CSF1R: variants seen among roughly 807,000 people sequenced by gnomAD.
CSF1R encodes the protein macrophage colony-stimulating factor 1 receptor.
In CSF1R, 40 loss-of-function variants were observed where a neutral mutation model predicts 110.0. The ratio of observed to expected loss-of-function variants is 0.36; its 90% CI spans 0.28 to 0.47. The LOEUF (loss-of-function observed/expected upper bound fraction) is 0.47. Among genes scored for constraint, CSF1R ranks in the 20% least tolerant of loss-of-function variants. The pLI, the probability that CSF1R is intolerant of heterozygous loss-of-function variation, is 0.99. For missense variants in CSF1R, 1,052 were observed against 1,253.0 expected (o/e 0.84, Z 2.42); for synonymous variants, 523 against 503.4 (o/e 1.04, Z -0.52).
chr5:150,095,871 G>A (rs977346880), intron 1 of CSF1R, among the ~76,000 whole-genome samples: 2 of 151,568 alleles, frequency 1.3e-5, no homozygotes, highest in Admixed American at 6.6e-5. Context: ...GGAATACTAT[G>A]AACTACTCTA....
chr5:150,081,074 C>T (rs1252778276), intron 1 of CSF1R, 50 bp from the exon 2 acceptor site: 5 of 1,598,948 alleles, frequency 3.1e-6, no homozygotes, highest in Non-Finnish European at 4.3e-6. Flanking sequence ...GGATGCGCCC[C>T]TTGGGCCGTC....
chr5:150,079,981 C>A, intron 3 of CSF1R, 71 bp downstream of exon 3: 3 of 1,554,400 alleles, frequency 1.9e-6, no homozygotes, highest in South Asian at 2.4e-5. Context: ...TCCCCAGTCA[C>A]CACCCATGTG....
chr5:150,055,233 T>G lies in CSF1R; in HGVS notation c.2654+4A>C. ...TTTTCCCTCCCTGGGATCCCTTCGCTTACATATTCTTTGGGGCAAATGCAG... is the reference window on the plus strand; with the variant it reads ...TTTTCCCTCCCTGGGATCCCTTCGCGTACATATTCTTTGGGGCAAATGCAG... On this transcript the variant is annotated splice_donor_region_variant and intron_variant, in intron 19 of 20. Coordinates refer to ENST00000675795, the MANE Select transcript of CSF1R (RefSeq NM_001288705.3). The G allele has an allele frequency of 6.2e-7, 1 of 1,613,610 alleles. No individual in the cohort carries two copies. The highest frequency in any genetic ancestry group is 8.5e-7 in the Non-Finnish European group (1 of 1,179,516).
At chr5:150,055,840 C>A (rs1003387451) in intron 18 of CSF1R, among the ~76,000 whole-genome samples, 186 bp downstream of exon 18, 3 of 152,238 alleles carry the variant, frequency 2.0e-5, no homozygotes, top group Non-Finnish European at 4.4e-5. Flanking sequence ...GAAAGGAGCG[C>A]CTGTCAGGGG....
Position 150,055,254 on chromosome 5 carries a change from T to C in CSF1R, c.2637A>G (p.Ala879=). 1 of 1,614,174 alleles carries C rather than the reference T, an allele frequency of 6.2e-7. No individual in the cohort carries two copies. Among genetic ancestry groups the C allele is most frequent in the South Asian group, 1.1e-5 (1 of 91,080 alleles). The change falls in exon 19 of 21, where the codon GCA becomes GCG. Residue 879 remains alanine, a synonymous_variant. Coordinates refer to ENST00000675795, the MANE Select transcript of CSF1R (RefSeq NM_001288705.3). ...VKDGYQMAQP[A]FAPKNIYSIM... ...TCGCTTACATATTCTTTGGGGCAAA[T>C]GCAGGCTGGGCCATTTGGTATCCAT...
intron 1 of CSF1R, among the ~76,000 whole-genome samples, chr5:150,095,466 A>G (rs1759193066): frequency 6.6e-6 from 1 of 152,176 alleles, no homozygotes; most frequent in Admixed American, 6.5e-5. Flanking sequence ...TTATTAACAA[A>G]AAGGTATCTG....
chr5:150,088,470 C>T (rs930029820), upstream of CSF1R, among the ~76,000 whole-genome samples: 1 of 151,912 alleles, frequency 6.6e-6, no homozygotes, highest in East Asian at 1.9e-4. Flanking sequence ...AATACAAATG[C>T]ATGAATATAG....
At chr5:150,110,319 T>A (rs574390234) in intron 1 of CSF1R, among the ~76,000 whole-genome samples, 1 of 152,348 alleles carries the variant, frequency 6.6e-6, no homozygotes, top group East Asian at 1.9e-4. Context: ...TCCCCTCCCC[T>A]GTCAAGGTGT....
rs1757054473 is a variant in CSF1R at position 150,054,015 on chromosome 5, T to C, written c.*54A>G. 1.9e-6 allele frequency: 3 copies of C among 1,561,794 alleles called. No homozygotes were observed. The highest frequency in any genetic ancestry group is 2.3e-5 in the East Asian group (1 of 43,862). On this transcript the variant is annotated 3_prime_UTR_variant, in exon 21 of 21. Transcript: ENST00000675795. Reference sequence around the variant, plus strand: ...TGTTCTCCCCGTGTCGCCCCATCCATGGAGGAGTTGAAGTTTGTGGGAGGG... The same window carrying C: ...TGTTCTCCCCGTGTCGCCCCATCCACGGAGGAGTTGAAGTTTGTGGGAGGG...
chr5:150,108,911 T>C (rs1433480972), intron 1 of CSF1R, among the ~76,000 whole-genome samples: 1 of 152,064 alleles, frequency 6.6e-6, no homozygotes, highest in Non-Finnish European at 1.5e-5. Context: ...AGGGAGACAG[T>C]TCGGCTTCTG....
intron 3 of CSF1R, among the ~76,000 whole-genome samples, chr5:150,079,243 C>G (rs1373038023): frequency 1.3e-5 from 2 of 152,234 alleles, no homozygotes; most frequent in Admixed American, 6.5e-5. Context: ...TCTGCCCACA[C>G]AGCTGGGGTC....
rs1460127750 is a variant in CSF1R, at chr5:150,065,460, G to A, written c.1626+2755C>T. On this transcript the variant is annotated intron_variant, in intron 10 of 20. Coordinates refer to ENST00000675795, the MANE Select transcript of CSF1R (RefSeq NM_001288705.3). ...TCTCTTCCCCCACGGCCCCCCTTGT[G>A]GTCACTCTGGGGGACAGAAAGGTGA... Among the ~76,000 whole-genome samples the A allele has an allele frequency of 2.0e-5, 3 of 152,304 alleles. No individual in the cohort carries two copies. In the East Asian group the frequency reaches 5.8e-4, roughly 29 times the overall value.
rs1417924912 is a variant in CSF1R, at chr5:150,053,441, G to A, written c.*628C>T. The A allele has an allele frequency of 2.1e-5, 5 of 234,414 alleles. No individual in the cohort carries two copies. Among genetic ancestry groups the A allele is most frequent in the African/African-American group, 4.4e-5 (2 of 45,310 alleles). 14.5% of individuals were successfully genotyped at this position (234,414 alleles called of 1,614,324 possible). ...CCCCTGCCTTCTAGCCCAGAATGACGGGACTGGGCAGAACACCCCCAACTT... is the reference window on the plus strand; with the variant it reads ...CCCCTGCCTTCTAGCCCAGAATGACAGGACTGGGCAGAACACCCCCAACTT... On this transcript the variant is annotated 3_prime_UTR_variant, in exon 21 of 21. Coordinates refer to ENST00000675795, the MANE Select transcript of CSF1R (RefSeq NM_001288705.3).
chr5:150,105,377 TATATA>T (rs1759521990), intron 1 of CSF1R, among the ~76,000 whole-genome samples: 1 of 89,592 alleles, frequency 1.1e-5, no homozygotes, highest in African/African-American at 4.8e-5. Flanking sequence ...TATATATATA[TATATA>T]TATTTTTTTT....
chr5:150,105,932 AC>A, intron 1 of CSF1R, among the ~76,000 whole-genome samples: 1 of 152,264 alleles, frequency 6.6e-6, no homozygotes, highest in Non-Finnish European at 1.5e-5. Flanking sequence ...TCTATTAATT[AC>A]GCCATTTTGC....
chr5:150,053,830 A>AG lies in CSF1R; in HGVS notation c.*238dup, dbSNP rs1491327925. 3.0e-5 allele frequency: 16 copies of AG among 528,876 alleles called. No individual in the cohort carries two copies. The African/African-American group carries it at 3.4e-4, about 11-fold the overall frequency. 32.8% of individuals were successfully genotyped at this position (528,876 alleles called of 1,614,324 possible). A position where few individuals can be genotyped will look rare whatever the true frequency, so the allele number is the denominator to read the frequency against. On this transcript the variant is annotated 3_prime_UTR_variant, in exon 21 of 21. Transcript: ENST00000675795. ...ACGAGGCCAACACCATGAGAACAGT[A>AG]GGGGAGGGGGGGGTGAGGGCTCAGC...
At chr5:150,077,465 C>T (rs1758319320) in intron 4 of CSF1R, 30 bp from the exon 5 acceptor site, 1 of 1,598,466 alleles carries the variant, frequency 6.3e-7, no homozygotes, top group African/African-American at 1.3e-5. Context: ...AGATGTTATA[C>T]CAAGGTAGTT....
intron 12 of CSF1R, 103 bp from the exon 13 acceptor site, chr5:150,061,075 G>T: frequency 1.2e-6 from 1 of 821,206 alleles, no homozygotes; most frequent in Non-Finnish European, 2.0e-6. Context: ...GAGAAAGCAG[G>T]GCATACCCCA....
chr5:150,061,539 G>T lies in CSF1R; in HGVS notation c.1810C>A (p.Leu604Met), dbSNP rs763534411. The T allele has an allele frequency of 6.4e-7, 1 of 1,565,616 alleles. No individual in the cohort carries two copies. The highest frequency in any genetic ancestry group is 8.7e-7 in the Non-Finnish European group (1 of 1,150,494). The change falls in exon 12 of 21, where the codon CTG becomes ATG. Residue 604 changes from leucine (L) to methionine (M), a missense_variant. Leu to Met is a conservative substitution (Grantham distance 15). This residue lies in a region of CSF1R where 76 missense variants were observed against 133.6 expected (regional missense o/e 0.57). Transcript: ENST00000675795. Reference sequence around the variant, plus strand: ...TTCAGGACAGCATCCTCCTTGCCCAGACCAAAGGCCGTGGCCTCCACCACC... The same window carrying T: ...TTCAGGACAGCATCCTCCTTGCCCATACCAAAGGCCGTGGCCTCCACCACC... ...GKVVEATAFG[L>M]GKEDAVLKVA...
Sources: allele counts gnomAD v4.1 joint callset (sites outside exome capture counted in the v4.1 genomes callset), GRCh38; gene constraint gnomAD v4.1.1; regional missense constraint gnomAD v4.1.1; transcripts MANE v1.5; gene names NCBI Gene and HGNC (gene_info 2026-07-23, HGNC 2026-07-21).